NLRP13: variants seen among roughly 807,000 people sequenced by gnomAD.
NLRP13 encodes the protein NLR family pyrin domain containing 13.
Under a neutral mutation model 94.4 loss-of-function variants are expected in NLRP13, and 82 were observed. The observed-to-expected ratio is 0.87, with a 90% CI of 0.73 to 1.04. The LOEUF is 1.04. Among genes scored for constraint, NLRP13 ranks in the 50% least tolerant of loss-of-function variants. The probability of loss-of-function intolerance (pLI) is 0.00; values close to 1 mark genes in which losing one functional copy is unlikely to be tolerated. For missense variants in NLRP13, 1,426 were observed against 1,230.8 expected (o/e 1.16, Z -2.37); for synonymous variants, 553 against 464.7 (o/e 1.19, Z -2.45).
chr19:55,932,140 C>T lies in NLRP13; in HGVS notation c.172G>A (p.Ala58Thr). The change falls in exon 1 of 11, where the codon GCA (alanine) becomes ACA (threonine). Residue 58 changes from alanine (A) to threonine (T), a missense_variant. Physicochemically the swap from Ala to Thr is moderately conservative, Grantham distance 58. Coordinates refer to ENST00000342929, the MANE Select transcript of NLRP13 (RefSeq NM_176810.2). ...AAAGGGTCGGCAGCTCTCAAGTTTG[C>T]CCAGGGGATACGCGGGAAGTGCCCC... ...PQGHFPRIPW[A>T]NLRAADPLNL... is the part of the protein sequence containing the mutation. The T allele has an allele frequency of 1.2e-6, 2 of 1,614,138 alleles. No homozygotes were observed. The highest frequency in any genetic ancestry group is 1.7e-6 in the Non-Finnish European group (2 of 1,180,016).
At chr19:55,922,704 A>G (rs1986861970) in intron 4 of NLRP13, among the ~76,000 whole-genome samples, 1 of 152,220 alleles carries the variant, frequency 6.6e-6, no homozygotes, top group Non-Finnish European at 1.5e-5. Flanking sequence ...TACAACCTTC[A>G]TTCCAAGACT....
At chr19:55,901,774 T>C (rs1324564802) in intron 9 of NLRP13, among the ~76,000 whole-genome samples, 2 of 152,134 alleles carry the variant, frequency 1.3e-5, no homozygotes, top group East Asian at 3.9e-4. Context: ...AAGTGTAGCA[T>C]GAATACGACT....
chr19:55,921,897 T>C (rs1986837833), intron 4 of NLRP13, among the ~76,000 whole-genome samples: 1 of 152,188 alleles, frequency 6.6e-6, no homozygotes, highest in Non-Finnish European at 1.5e-5. Flanking sequence ...TACTGACATG[T>C]TGATTTCAGT....
In NLRP13 at chr19:55,920,039, A is replaced by G. The variant is rs149182850; in HGVS notation, c.523+3875T>C. On this transcript the variant is annotated intron_variant, in intron 4 of 10. Transcript: ENST00000342929. ...GAAATAAAGCTATATACCTACAGCT[A>G]GCTGATCTTCCGCAAAGTCAATAAA... Among the ~76,000 whole-genome samples, 870 of 152,306 alleles carry G rather than the reference A, an allele frequency of 5.7e-3. 5 individuals are homozygous for G. Among genetic ancestry groups the G allele is most frequent in the African/African-American group, 0.02 (830 of 41,582 alleles).
intron 1 of NLRP13, among the ~76,000 whole-genome samples, chr19:55,930,361 A>C (rs1365965005): frequency 1.3e-5 from 2 of 152,248 alleles, no homozygotes; most frequent in East Asian, 3.8e-4. Context: ...GTGAAGAGTC[A>C]GTACAAATGT....
At chr19:55,893,926 A>G (rs1244808794), downstream of NLRP13, among the ~76,000 whole-genome samples, 1 of 152,154 alleles carries the variant, frequency 6.6e-6, no homozygotes, top group African/African-American at 2.4e-5. Flanking sequence ...AAATCTTTAA[A>G]AGGTGCAGAT....
chr19:55,893,705 T>TAA (rs951808875), downstream of NLRP13, among the ~76,000 whole-genome samples: 11 of 152,168 alleles, frequency 7.2e-5, no homozygotes, highest in African/African-American at 2.7e-4. Context: ...TGTGTATGAA[T>TAA]AAATCCAAGT....
chr19:55,907,685 T>A, intron 7 of NLRP13, 107 bp downstream of exon 7: 1 of 1,046,946 alleles, frequency 9.6e-7, no homozygotes. Context: ...TCCTTCTCTG[T>A]CTCCTTTTGC....
intron 10 of NLRP13, 37 bp downstream of exon 10, chr19:55,898,733 G>A: frequency 6.4e-7 from 1 of 1,558,184 alleles, no homozygotes; most frequent in Non-Finnish European, 8.7e-7. Flanking sequence ...CAAGAGTAGA[G>A]AAGGAAGACT....
chr19:55,896,820 CAAA>C (rs3073244), intron 10 of NLRP13, among the ~76,000 whole-genome samples: 3,542 of 80,586 alleles, frequency 0.044, 58 homozygotes, highest in African/African-American at 0.14. Context: ...CTCCATCTCA[CAAA>C]AAAAAAAAAA....
chr19:55,892,049 G>C (rs1179241532), downstream of NLRP13: 5 of 1,205,946 alleles, frequency 4.1e-6, no homozygotes, highest in East Asian at 9.5e-5. Context: ...ACGCACACTT[G>C]AGTTTCAGAC....
chr19:55,909,153 G>T (rs763894681), intron 6 of NLRP13, among the ~76,000 whole-genome samples: 18 of 152,136 alleles, frequency 1.2e-4, no homozygotes, highest in Non-Finnish European at 1.8e-4. Context: ...TCCCACCTCA[G>T]ATTCAAAGCT....
chr19:55,931,738 G>GAAAGAAAGAAAGAAAGA, intron 1 of NLRP13, among the ~76,000 whole-genome samples: 2 of 134,604 alleles, frequency 1.5e-5, no homozygotes, highest in African/African-American at 6.3e-5. Context: ...AAGAAAGAAA[G>GAAAGAAAGAAAGAAAGA]AAAGAAAAAG....
At chr19:55,917,555 C>T (rs1986703267) in intron 4 of NLRP13, among the ~76,000 whole-genome samples, 2 of 151,850 alleles carry the variant, frequency 1.3e-5, no homozygotes, top group South Asian at 4.1e-4. Context: ...TCACTATAGA[C>T]TGAAGGTAAA....
intron 9 of NLRP13, among the ~76,000 whole-genome samples, chr19:55,899,728 C>T (rs530337853): frequency 5.9e-5 from 9 of 151,996 alleles, no homozygotes; most frequent in Non-Finnish European, 1.0e-4. Flanking sequence ...TGCAGTGAGC[C>T]GAGATTGCAC....
At chr19:55,904,708 A>G (rs191703108) in intron 8 of NLRP13, among the ~76,000 whole-genome samples, 14 of 152,280 alleles carry the variant, frequency 9.2e-5, no homozygotes, top group Admixed American at 7.2e-4. Context: ...CAAAAAATTC[A>G]TTACTTCCTG....
At chr19:55,908,971 T>C (rs1986428951) in intron 6 of NLRP13, among the ~76,000 whole-genome samples, 1 of 152,214 alleles carries the variant, frequency 6.6e-6, no homozygotes, top group South Asian at 2.1e-4. Flanking sequence ...ATGAGTTTGG[T>C]CCAGCTCACC....
chr19:55,931,916 C>G (rs979385445), intron 1 of NLRP13, 77 bp downstream of exon 1: 1 of 1,337,258 alleles, frequency 7.5e-7, no homozygotes, highest in African/African-American at 1.5e-5. Context: ...GGAATGACCC[C>G]ACAAAAACCC....
At chr19:55,916,277 A>G (rs929202985) in intron 4 of NLRP13, among the ~76,000 whole-genome samples, 11 of 152,228 alleles carry the variant, frequency 7.2e-5, no homozygotes, top group African/African-American at 2.4e-4. Context: ...TCTTCAGATA[A>G]GAAACTAATG....
Sources: allele counts gnomAD v4.1 joint callset (sites outside exome capture counted in the v4.1 genomes callset), GRCh38; gene constraint gnomAD v4.1.1; transcripts MANE v1.5; gene names NCBI Gene and HGNC (gene_info 2026-07-23, HGNC 2026-07-21).